The following CCDC178 variants were observed in gnomAD, a reference collection of about 807,000 sequenced individuals.
CCDC178 encodes coiled-coil domain-containing protein 178.
CCDC178 carries 126 observed loss-of-function variants against 117.4 expected under a neutral mutation model. The observed-to-expected ratio is 1.07, with a 90% CI of 0.93 to 1.24. The LOEUF is 1.24. Among genes scored for constraint, CCDC178 ranks in the 50% most tolerant of loss-of-function variants. CCDC178 has a pLI of 0.00. For synonymous variants in CCDC178, 283 were observed against 313.4 expected, an observed-to-expected ratio of 0.90 and a Z score of 1.02; for missense variants, 1,030 against 986.9, an observed-to-expected ratio of 1.04 and a Z score of -0.59.
At chr18:32,980,433 C>T (rs1253070710) in intron 21 of CCDC178, among the ~76,000 whole-genome samples, 1 of 151,586 alleles carries the variant, frequency 6.6e-6, no homozygotes, top group Non-Finnish European at 1.5e-5. Context: ...TAGCCGGGCG[C>T]AGTGGCGGGC....
chr18:33,349,091 A>G, intron 7 of CCDC178, 116 bp from the exon 8 acceptor site: 1 of 594,308 alleles, frequency 1.7e-6, no homozygotes, highest in Non-Finnish European at 2.9e-6. Context: ...ACTATACAAG[A>G]TAATCTTACT....
intron 20 of CCDC178, among the ~76,000 whole-genome samples, chr18:33,128,920 C>T (rs1460440922): frequency 1.3e-5 from 2 of 151,994 alleles, no homozygotes; most frequent in African/African-American, 4.8e-5. Flanking sequence ...TCATCAGTAA[C>T]CAAAATTGGA....
chr18:32,987,524 C>CAT (rs1466052921), intron 21 of CCDC178, among the ~76,000 whole-genome samples: 1 of 151,966 alleles, frequency 6.6e-6, no homozygotes, highest in African/African-American at 2.4e-5. Flanking sequence ...TGTATATATG[C>CAT]ATATATATGT....
At chr18:33,057,824 A>G (rs1241358277) in intron 21 of CCDC178, among the ~76,000 whole-genome samples, 1 of 152,208 alleles carries the variant, frequency 6.6e-6, no homozygotes, top group Non-Finnish European at 1.5e-5. Flanking sequence ...AATTTTGTGT[A>G]AAGAATATGA....
chr18:33,139,847 G>A (rs997207752), intron 20 of CCDC178, among the ~76,000 whole-genome samples: 2 of 152,078 alleles, frequency 1.3e-5, no homozygotes, highest in Non-Finnish European at 2.9e-5. Flanking sequence ...CAAGACAATG[G>A]GGAAAATGTC....
chr18:33,080,379 A>G (rs1042612131), intron 21 of CCDC178, among the ~76,000 whole-genome samples: 2 of 152,158 alleles, frequency 1.3e-5, no homozygotes, highest in Admixed American at 6.6e-5. Context: ...GAGTTTACCT[A>G]TGTAACAAAC....
intron 2 of CCDC178, among the ~76,000 whole-genome samples, chr18:33,431,431 C>T (rs927387308): frequency 6.6e-6 from 1 of 152,018 alleles, no homozygotes; most frequent in African/African-American, 2.4e-5. Flanking sequence ...ACTGGCTATT[C>T]ACATCTGGTT....
intron 20 of CCDC178, among the ~76,000 whole-genome samples, chr18:33,102,252 C>T (rs1485013961): frequency 1.3e-5 from 2 of 151,674 alleles, no homozygotes; most frequent in African/African-American, 4.8e-5. Context: ...TAGGGTCCCC[C>T]CTAATTTCAG....
At chr18:33,388,665 G>A (rs1242918373) in intron 5 of CCDC178, among the ~76,000 whole-genome samples, 11 of 148,168 alleles carry the variant, frequency 7.4e-5, no homozygotes, top group East Asian at 4.0e-4. Context: ...GACTACAGGC[G>A]CCCGCCACTA....
chr18:33,329,874 A>T (rs1387787936), intron 10 of CCDC178, among the ~76,000 whole-genome samples: 1 of 75,364 alleles, frequency 1.3e-5, no homozygotes, highest in Non-Finnish European at 2.5e-5. Context: ...GAGAATTATT[A>T]GAGTGTGTGT....
At chr18:32,983,840 A>G (rs1021662016) in intron 21 of CCDC178, among the ~76,000 whole-genome samples, 2 of 152,058 alleles carry the variant, frequency 1.3e-5, no homozygotes, top group Non-Finnish European at 2.9e-5. Context: ...GCAGCTCACA[A>G]GGCAAATAGC....
Position 33,412,035 on chromosome 18 carries a change from A to C in CCDC178, c.54T>G (p.Asn18Lys), listed in dbSNP as rs1383015473. 6.9e-7 allele frequency: 1 copy of C among 1,458,950 alleles called. No individual in the cohort carries two copies. The highest frequency in any genetic ancestry group is 9.5e-7 in the Non-Finnish European group (1 of 1,053,992). The allele number at this position is 1,458,950 out of a possible 1,614,324, so 90.4% of individuals were successfully genotyped here. A position where few individuals can be genotyped will look rare whatever the true frequency, so the allele number is the denominator to read the frequency against. Residue 18 changes from asparagine to lysine, a missense_variant, in exon 3 of 23, where the codon AAT becomes AAG. Transcript: ENST00000383096. ...ATCAATTTATGATAAACTTACCTAT[A>C]TTGGTTTGATCATCTCTAGTGGAAG... ...SSSSTRDDQT[N>K]IGLTCQEVKA...
intron 12 of CCDC178, among the ~76,000 whole-genome samples, chr18:33,268,588 A>C (rs952020641): frequency 6.6e-6 from 1 of 151,854 alleles, no homozygotes; most frequent in African/African-American, 2.4e-5. Flanking sequence ...TTGCCGAGTA[A>C]ACCAAGAGAT....
intron 21 of CCDC178, among the ~76,000 whole-genome samples, chr18:32,982,333 T>C (rs907271635): frequency 6.6e-6 from 1 of 152,120 alleles, no homozygotes; most frequent in South Asian, 2.1e-4. Flanking sequence ...AAAATACAAA[T>C]ACCATATGTA....
At chr18:33,317,947 G>T (rs1030567569) in intron 11 of CCDC178, among the ~76,000 whole-genome samples, 11 of 152,080 alleles carry the variant, frequency 7.2e-5, no homozygotes, top group African/African-American at 4.8e-5. Context: ...ATGCTAAATG[G>T]AATGAGCACC....
At chr18:33,052,725 AG>A (rs1433931894) in intron 21 of CCDC178, among the ~76,000 whole-genome samples, 2 of 152,196 alleles carry the variant, frequency 1.3e-5, no homozygotes, top group Non-Finnish European at 2.9e-5. Flanking sequence ...GAAAATGACA[AG>A]GAAGTTTCTG....
At chr18:32,958,067 C>G (rs575380778) in intron 22 of CCDC178, 6 of 350,232 alleles carry the variant, frequency 1.7e-5, no homozygotes, top group African/African-American at 1.3e-4. Context: ...AACTACTGAG[C>G]CAAGTCAGTG....
chr18:32,942,339 C>T (rs528295829), intron 22 of CCDC178, among the ~76,000 whole-genome samples: 1 of 152,208 alleles, frequency 6.6e-6, no homozygotes, highest in East Asian at 1.9e-4. Flanking sequence ...GAAAAACATA[C>T]CACTTCCAGA....
At chr18:33,009,814 C>T (rs1410946884) in intron 21 of CCDC178, among the ~76,000 whole-genome samples, 1 of 152,032 alleles carries the variant, frequency 6.6e-6, no homozygotes, top group Non-Finnish European at 1.5e-5. Context: ...TGTCTCTGAT[C>T]CATCAATAGT....
Sources: gnomAD v4.1 joint callset for allele counts (sites outside exome capture counted in the v4.1 genomes callset) on GRCh38, gnomAD v4.1.1 for gene constraint, MANE v1.5 for transcripts, NCBI Gene and HGNC (gene_info 2026-07-23, HGNC 2026-07-21) for gene names.